FAT3: variants seen among roughly 807,000 people sequenced by gnomAD.
The protein encoded by FAT3 is protocadherin Fat 3.
In FAT3, 95 loss-of-function variants were observed where a neutral mutation model predicts 310.2. That is an observed-to-expected ratio of 0.31 (90% CI 0.26 to 0.36). FAT3 has a LOEUF of 0.36. Ranked by LOEUF, FAT3 falls within the 10% of genes least tolerant of loss-of-function variation. The probability of loss-of-function intolerance (pLI) is 1.00; values close to 1 mark genes in which losing one functional copy is unlikely to be tolerated. For missense variants in FAT3, 5,408 were observed against 5,715.6 expected, an observed-to-expected ratio of 0.95 and a Z score of 1.74; for synonymous variants, 2,314 against 2,192.9, an observed-to-expected ratio of 1.06 and a Z score of -1.54.
chr11:92,561,347 G>A (rs1042711518), intron 3 of FAT3, among the ~76,000 whole-genome samples: 3 of 151,700 alleles, frequency 2.0e-5, no homozygotes, highest in African/African-American at 7.3e-5. Flanking sequence ...ATAATGTTCT[G>A]AGAGCTGTTT....
chr11:92,773,207 C>T (rs901264477), intron 6 of FAT3, among the ~76,000 whole-genome samples: 1 of 152,150 alleles, frequency 6.6e-6, no homozygotes, highest in Non-Finnish European at 1.5e-5. Context: ...GAGGTAGAAA[C>T]ATCAGCAGTG....
chr11:92,537,495 C>T (rs112145770), intron 3 of FAT3, among the ~76,000 whole-genome samples: 1,862 of 152,192 alleles, frequency 0.012, 44 homozygotes, highest in African/African-American at 0.042. Flanking sequence ...TCTTTCCCTC[C>T]TTGTCTCAGC....
chr11:92,737,971 T>C (rs1046747384), intron 4 of FAT3, among the ~76,000 whole-genome samples: 1 of 152,152 alleles, frequency 6.6e-6, no homozygotes, highest in African/African-American at 2.4e-5. Context: ...ATTGTTCTCA[T>C]TGAGACAGGG....
chr11:92,801,723 C>T lies in FAT3; in HGVS notation c.8710C>T (p.Leu2904Phe). The change falls in exon 10 of 28, where the codon CTT becomes TTT. Residue 2904 changes from leucine (L) to phenylalanine (F), a missense_variant. Transcript: ENST00000525166. ...VASDLGEAFSLSSTALVSVRV... is the reference protein window; with the variant it reads ...VASDLGEAFSFSSTALVSVRV... Reference sequence around the variant, plus strand: ...CTCTGACCTTGGAGAGGCATTCTCTCTTTCCTCCACGGCCTTGGTCTCTGT... The same window carrying T: ...CTCTGACCTTGGAGAGGCATTCTCTTTTTCCTCCACGGCCTTGGTCTCTGT... The T allele has an allele frequency of 6.2e-7, 1 of 1,613,978 alleles. No individual in the cohort carries two copies.
chr11:92,377,596 A>T (rs1355469399), intron 2 of FAT3, among the ~76,000 whole-genome samples: 1 of 152,336 alleles, frequency 6.6e-6, no homozygotes, highest in African/African-American at 2.4e-5. Context: ...GGCTCAGCTT[A>T]AATTTACATC....
intron 1 of FAT3, among the ~76,000 whole-genome samples, chr11:92,335,815 A>C (rs1001672968): frequency 6.6e-6 from 1 of 152,232 alleles, no homozygotes; most frequent in Admixed American, 6.5e-5. Context: ...AAATGGAATC[A>C]GTGGAGAAGG....
intron 1 of FAT3, among the ~76,000 whole-genome samples, chr11:92,314,132 C>T (rs1448258189): frequency 6.6e-6 from 1 of 152,162 alleles, no homozygotes; most frequent in Non-Finnish European, 1.5e-5. Flanking sequence ...AACCTTCAAA[C>T]TTCAGGGAAA....
intron 1 of FAT3, among the ~76,000 whole-genome samples, chr11:92,267,685 T>A (rs1400267308): frequency 6.6e-6 from 1 of 152,170 alleles, no homozygotes; most frequent in Non-Finnish European, 1.5e-5. Flanking sequence ...GAAACATAGT[T>A]TTACCTAGAA....
chr11:92,433,386 G>A (rs974687020), intron 2 of FAT3, among the ~76,000 whole-genome samples: 2 of 152,160 alleles, frequency 1.3e-5, no homozygotes, highest in Non-Finnish European at 1.5e-5. Flanking sequence ...GAACCTCCTG[G>A]TCTGCAGGTT....
At chr11:92,758,269 CACTT>C (rs1170087160) in intron 4 of FAT3, among the ~76,000 whole-genome samples, 1 of 152,152 alleles carries the variant, frequency 6.6e-6, no homozygotes, top group Non-Finnish European at 1.5e-5. Context: ...AGCAAATAGA[CACTT>C]AAAATGCAGG....
chr11:92,864,075 C>T (rs1374732764), intron 21 of FAT3, among the ~76,000 whole-genome samples: 1 of 152,080 alleles, frequency 6.6e-6, no homozygotes, highest in Non-Finnish European at 1.5e-5. Context: ...CTTAACCGTG[C>T]CGTGTTAGTA....
chr11:92,828,791 G>T (rs1415776008), intron 13 of FAT3, among the ~76,000 whole-genome samples: 1 of 152,206 alleles, frequency 6.6e-6, no homozygotes, highest in African/African-American at 2.4e-5. Flanking sequence ...TGAGCAGGAA[G>T]CTTGGAGAAT....
Position 92,354,697 on chromosome 11 carries a change from C to A in FAT3, c.2585C>A (p.Ser862Tyr), listed in dbSNP as rs775155455. 2 of 1,613,712 alleles carry A rather than the reference C, an allele frequency of 1.2e-6. No homozygotes were observed. The highest frequency in any genetic ancestry group is 1.7e-5 in the Admixed American group (1 of 59,908). ...GAAGCCAGAGACAAAGACTTAGGTT[C>A]TAATGGTGAAGTGACTTACTCAGTC... ...QVEARDKDLG[S>Y]NGEVTYSVLT... is the part of the protein sequence containing the mutation. The change falls in exon 2 of 28, where the codon TCT becomes TAT. Residue 862 changes from serine (S) to tyrosine (Y), a missense_variant. Ser to Tyr is a moderately radical substitution (Grantham distance 144). Around this residue, in one of 5 missense-constraint regions of FAT3, gnomAD observed 4,588 missense variants for 4,809.8 expected, o/e 0.95. Coordinates refer to ENST00000525166, the MANE Select transcript of FAT3 (RefSeq NM_001367949.2).
intron 3 of FAT3, among the ~76,000 whole-genome samples, chr11:92,693,376 C>G (rs551258691): frequency 1.8e-4 from 27 of 152,254 alleles, no homozygotes; most frequent in Non-Finnish European, 3.2e-4. Context: ...ATGCACACAC[C>G]TCTCTCGTAT....
chr11:92,275,309 T>G (rs1256448371), intron 1 of FAT3, among the ~76,000 whole-genome samples: 1 of 152,108 alleles, frequency 6.6e-6, no homozygotes, highest in East Asian at 1.9e-4. Context: ...TTCCCACTTT[T>G]AGCCACTTAC....
intron 1 of FAT3, among the ~76,000 whole-genome samples, chr11:92,268,661 A>G (rs887411857): frequency 6.6e-6 from 1 of 152,096 alleles, no homozygotes; most frequent in African/African-American, 2.4e-5. Context: ...CTTCTTTTCC[A>G]TTCAGATGAT....
At chr11:92,314,306 T>G (rs1341203584) in intron 1 of FAT3, 1 of 981,426 alleles carries the variant, frequency 1.0e-6, no homozygotes, top group African/African-American at 1.7e-5. Flanking sequence ...GAGATGTATT[T>G]CTTCAGGTAT....
intron 6 of FAT3, among the ~76,000 whole-genome samples, chr11:92,771,239 A>C (rs981913848): frequency 1.3e-5 from 2 of 152,100 alleles, no homozygotes; most frequent in Admixed American, 1.3e-4. Context: ...GAGGAAGCAC[A>C]CCTTGTTTAA....
chr11:92,520,083 T>C (rs1953631835), intron 2 of FAT3, among the ~76,000 whole-genome samples: 1 of 152,034 alleles, frequency 6.6e-6, no homozygotes, highest in Non-Finnish European at 1.5e-5. Flanking sequence ...TGAAAGCAAC[T>C]CAAATATTCA....
Sources: gnomAD v4.1 joint callset for allele counts (sites outside exome capture counted in the v4.1 genomes callset) on GRCh38, gnomAD v4.1.1 for gene constraint, gnomAD v4.1.1 regional missense constraint, MANE v1.5 for transcripts, NCBI Gene and HGNC (gene_info 2026-07-23, HGNC 2026-07-21) for gene names.